The following DCTN2 variants were observed in gnomAD, a reference collection of about 807,000 sequenced individuals.
DCTN2 encodes the protein dynactin subunit 2.
Under a neutral mutation model 55.4 loss-of-function variants are expected in DCTN2, and 18 were observed. The observed-to-expected ratio is 0.32, with a 90% CI of 0.22 to 0.48. The LOEUF is 0.48. DCTN2 is among the 20% of genes least tolerant of loss of function. The pLI, the probability that DCTN2 is intolerant of heterozygous loss-of-function variation, is 0.99. For synonymous variants in DCTN2, 168 were observed against 185.2 expected (o/e 0.91, Z 0.76); for missense variants, 390 against 491.0 (o/e 0.79, Z 1.94).
At chr12:57,544,112 G>A (rs941324170) in intron 2 of DCTN2, 3 of 452,086 alleles carry the variant, frequency 6.6e-6, no homozygotes, top group South Asian at 4.7e-5. Context: ...ATCTCACCAT[G>A]AAGGGCAGAA....
At position 57,541,571 on chromosome 12, in the gene DCTN2, C is replaced by T. The variant is rs148225848; in HGVS notation, c.105+4457G>A. On this transcript the variant is annotated intron_variant, in intron 2 of 13. Coordinates refer to ENST00000548249, the MANE Select transcript of DCTN2 (RefSeq NM_001261413.2). Reference sequence around the variant, plus strand: ...TGGAGAAATGAAGCCTCTGCCAGGGCCCCATCAAACTATGGCTAGGTCATT... The same window carrying T: ...TGGAGAAATGAAGCCTCTGCCAGGGTCCCATCAAACTATGGCTAGGTCATT... Among the ~76,000 whole-genome samples the T allele has an allele frequency of 4.2e-3, 641 of 152,246 alleles. 3 individuals are homozygous for T. Among genetic ancestry groups the T allele is most frequent in the African/African-American group, 0.015 (612 of 41,524 alleles).
chr12:57,530,181 C>T lies in DCTN2; in HGVS notation c.*508G>A, dbSNP rs574414394. On this transcript the variant is annotated 3_prime_UTR_variant, in exon 14 of 14. Coordinates refer to ENST00000548249, the MANE Select transcript of DCTN2 (RefSeq NM_001261413.2). ...CTCTGTACTCATTTTTTATTTAGTT[C>T]TTTGGTAAGAACAGGTTACAATTTA... 1 of 152,624 alleles carries T rather than the reference C, an allele frequency of 6.6e-6. No individual in the cohort carries two copies. Among genetic ancestry groups the T allele is most frequent in the Admixed American group, 6.5e-5 (1 of 15,304 alleles). The allele number at this position is 152,624 out of a possible 1,614,324, so 9.5% of individuals were successfully genotyped here.
At chr12:57,533,821 AAAGAGGAATCAATC>A (rs1879974207) in intron 7 of DCTN2, 118 bp downstream of exon 7, 3 of 1,002,244 alleles carry the variant, frequency 3.0e-6, no homozygotes, top group South Asian at 1.9e-5. Context: ...TCAGGAATCA[AAAGAGGAATCAATC>A]AAGAGGAATC....
intron 1 of DCTN2, among the ~76,000 whole-genome samples, chr12:57,546,824 G>A (rs76853095): frequency 6.6e-6 from 1 of 152,358 alleles, no homozygotes; most frequent in East Asian, 1.9e-4. Flanking sequence ...TGCCGGAAAG[G>A]GGGCCTGGTG....
At position 57,535,506 on chromosome 12, in the gene DCTN2, T is replaced by C. The variant is rs201598216; in HGVS notation, c.242A>G (p.Tyr81Cys). Residue 81 changes from tyrosine to cysteine, a missense_variant, in exon 4 of 14, where the codon TAT becomes TGT. Coordinates refer to ENST00000548249, the MANE Select transcript of DCTN2 (RefSeq NM_001261413.2). ...DRIGKTKRTG[Y>C]ESGEYEMLGE... ...AACCATCTCATATTCTCCAGATTCATATCCTGTCCTCTTGGTTTTTCCAAT... is the reference window on the plus strand; with the variant it reads ...AACCATCTCATATTCTCCAGATTCACATCCTGTCCTCTTGGTTTTTCCAAT... 2 of 1,614,012 alleles carry C rather than the reference T, an allele frequency of 1.2e-6. No homozygotes were observed. The highest frequency in any genetic ancestry group is 2.2e-5 in the East Asian group (1 of 44,878).
intron 2 of DCTN2, among the ~76,000 whole-genome samples, chr12:57,542,580 G>A (rs1880782674): frequency 6.6e-6 from 1 of 152,180 alleles, no homozygotes; most frequent in South Asian, 2.1e-4. Flanking sequence ...CACTTTGGGA[G>A]GCCAAGATGG....
chr12:57,542,544 A>G (rs775241), intron 2 of DCTN2, among the ~76,000 whole-genome samples: 27,479 of 152,098 alleles, frequency 0.18, 2,676 homozygotes, highest in East Asian at 0.29. Flanking sequence ...CCCGGCTGGC[A>G]TGGTAGCTCA....
intron 2 of DCTN2, chr12:57,536,153 C>T (rs1280682654): frequency 2.8e-6 from 1 of 354,510 alleles, no homozygotes; most frequent in African/African-American, 2.1e-5. Context: ...AGTTGTCTGG[C>T]ACACGCCATG....
At chr12:57,531,287 C>T (rs1404730570) in intron 13 of DCTN2, among the ~76,000 whole-genome samples, 5 of 151,940 alleles carry the variant, frequency 3.3e-5, no homozygotes, top group South Asian at 2.1e-4. Context: ...TTTGGGAGGC[C>T]GAGATGGGTG....
intron 1 of DCTN2, 25 bp from the exon 2 acceptor site, chr12:57,546,121 C>A: frequency 6.2e-7 from 1 of 1,610,792 alleles, no homozygotes; most frequent in South Asian, 1.1e-5. Flanking sequence ...AGTGACCACC[C>A]AACCTCACTA....
Position 57,534,272 on chromosome 12 carries a change from C to G in DCTN2, c.524+20G>C, listed in dbSNP as rs755538196. 4.2e-5 allele frequency: 66 copies of G among 1,562,170 alleles called. No individual in the cohort carries two copies. The highest frequency in any genetic ancestry group is 5.6e-5 in the Non-Finnish European group (64 of 1,149,414). Reference sequence around the variant, plus strand: ...ACAACCCCAGTCAGCAATGATTTTTCAACAAAGTAGGGTACCCACTTAGCC... The same window carrying G: ...ACAACCCCAGTCAGCAATGATTTTTGAACAAAGTAGGGTACCCACTTAGCC... On this transcript the variant is annotated intron_variant, in intron 6 of 13. Transcript: ENST00000548249.
intron 2 of DCTN2, chr12:57,544,219 C>A: frequency 7.6e-6 from 3 of 394,732 alleles, no homozygotes; most frequent in Non-Finnish European, 1.5e-5. Context: ...GGTTCCAGGA[C>A]CTCCCTTGAT....
At chr12:57,531,935 A>G in intron 13 of DCTN2, 80 bp downstream of exon 13, 1 of 1,542,170 alleles carries the variant, frequency 6.5e-7, no homozygotes, top group Non-Finnish European at 8.8e-7. Context: ...AAAATAGGCT[A>G]AGGCAGAACC....
chr12:57,530,593 G>C lies in DCTN2; in HGVS notation c.*96C>G. The C allele has an allele frequency of 9.2e-7, 1 of 1,082,950 alleles. No individual in the cohort carries two copies. 67.1% of individuals were successfully genotyped at this position (1,082,950 alleles called of 1,614,324 possible). A position where few individuals can be genotyped will look rare whatever the true frequency, so the allele number is the denominator to read the frequency against. On this transcript the variant is annotated 3_prime_UTR_variant, in exon 14 of 14. Coordinates refer to ENST00000548249, the MANE Select transcript of DCTN2 (RefSeq NM_001261413.2). ...TGCCCCCAGTGTCAAATGGGATGGG[G>C]ATGCTAGAGTTATAGTAAAGGGGAA...
chr12:57,530,625 T>G lies in DCTN2; in HGVS notation c.*64A>C. On this transcript the variant is annotated 3_prime_UTR_variant, in exon 14 of 14. Transcript: ENST00000548249. ...GAGTTATAGTAAAGGGGAAACCCTA[T>G]GTAAGCTGTTAACAGAGTTCACAGG... 7.2e-7 allele frequency: 1 copy of G among 1,379,794 alleles called. No individual in the cohort carries two copies. Among genetic ancestry groups the G allele is most frequent in the Non-Finnish European group, 1.0e-6 (1 of 978,030 alleles). The allele number at this position is 1,379,794 out of a possible 1,614,324, so 85.5% of individuals were successfully genotyped here. A position where few individuals can be genotyped will look rare whatever the true frequency, so the allele number is the denominator to read the frequency against.
intron 2 of DCTN2, chr12:57,538,691 T>C (rs1880449327): frequency 1.7e-6 from 1 of 593,288 alleles, no homozygotes; most frequent in Non-Finnish European, 3.0e-6. Context: ...CAGGGGAGCC[T>C]AGCGAAATTT....
chr12:57,546,857 G>C (rs1881210811), intron 1 of DCTN2, among the ~76,000 whole-genome samples, 171 bp downstream of exon 1: 2 of 152,216 alleles, frequency 1.3e-5, no homozygotes, highest in Admixed American at 1.3e-4. Flanking sequence ...GCCCGGCCCA[G>C]TCGGGTCAGA....
chr12:57,532,305 A>G lies in DCTN2; in HGVS notation c.935T>C (p.Leu312Pro). The G allele has an allele frequency of 6.4e-7, 1 of 1,559,702 alleles. No homozygotes were observed. Among genetic ancestry groups the G allele is most frequent in the Non-Finnish European group, 8.7e-7 (1 of 1,151,234 alleles). Residue 312 changes from leucine to proline, a missense_variant, in exon 12 of 14, where the codon CTA becomes CCA. Transcript: ENST00000548249. ...GCTCCAGCGCTGTATAGTTTCATAT[A>G]GCTGGTGCACCTGAAGGGACACAAT... ...DADTQSKVHQ[L>P]YETIQRWSPI...
At position 57,536,069 on chromosome 12, in the gene DCTN2, TGGGAGCAGA is replaced by T. The variant is rs1880208415; in HGVS notation, c.106-233_106-225del. The T allele has an allele frequency of 2.3e-5, 13 of 562,970 alleles. No individual in the cohort carries two copies. In the Middle Eastern group the frequency reaches 1.4e-3, roughly 60 times the overall value. 34.9% of individuals were successfully genotyped at this position (562,970 alleles called of 1,614,324 possible). A position where few individuals can be genotyped will look rare whatever the true frequency, so the allele number is the denominator to read the frequency against. On this transcript the variant is annotated intron_variant, in intron 2 of 13. Coordinates refer to ENST00000548249, the MANE Select transcript of DCTN2 (RefSeq NM_001261413.2). ...ATAAATATTAACACCCTCATTCAAC[TGGGAGCAGA>T]GGGAGCATAACCTCCCCACCCTCTC...
Sources: gnomAD v4.1 joint callset for allele counts (sites outside exome capture counted in the v4.1 genomes callset) on GRCh38, gnomAD v4.1.1 for gene constraint, MANE v1.5 for transcripts, NCBI Gene and HGNC (gene_info 2026-07-23, HGNC 2026-07-21) for gene names.